The following LYG1 variants were observed in gnomAD, a reference collection of about 807,000 sequenced individuals.
The protein encoded by LYG1 is lysozyme g1.
A neutral mutation model predicts 21.7 loss-of-function variants in LYG1; 17 were observed. The observed-to-expected ratio is 0.78, with a 90% confidence interval of 0.54 to 1.18. LYG1 has a LOEUF of 1.18. LYG1 is among the 50% of genes most tolerant of loss of function. The pLI is 0.00. For synonymous variants in LYG1, 81 were observed against 87.4 expected (o/e 0.93, Z 0.41); for missense variants, 211 against 238.1 (o/e 0.89, Z 0.75).
At chr2:99,299,216 C>T (rs570935243) in intron 1 of LYG1, among the ~76,000 whole-genome samples, 7 of 151,728 alleles carry the variant, frequency 4.6e-5, no homozygotes, top group Non-Finnish European at 8.8e-5. Context: ...CATGAGCCAC[C>T]GCGCCCAGCC....
rs530758274 is a variant in LYG1, at chr2:99,291,249, A to T, written c.321T>A (p.Thr107=). 5.6e-6 allele frequency: 9 copies of T among 1,614,170 alleles called. No homozygotes were observed. In the Admixed American group the frequency reaches 1.2e-4, roughly 21 times the overall value. ...GATGAAGAGTTACCTGCACCATGCT[A>T]GTCCTATCGCCCATGTTGACCAGAA... ...DKILVNMGDR[T]SMVQDPGSQA... Residue 107 remains threonine, a synonymous_variant, in exon 5 of 7, where the codon ACT becomes ACA. Transcript: ENST00000308528.
intron 4 of LYG1, among the ~76,000 whole-genome samples, chr2:99,292,270 A>G (rs1458080548): frequency 6.6e-6 from 1 of 152,154 alleles, no homozygotes; most frequent in Non-Finnish European, 1.5e-5. Flanking sequence ...GGGCAACAAG[A>G]CAGAAACTTA....
intron 5 of LYG1, among the ~76,000 whole-genome samples, chr2:99,285,563 T>C (rs1215739941): frequency 1.3e-5 from 2 of 152,196 alleles, no homozygotes; most frequent in African/African-American, 4.8e-5. Context: ...ATGTATGTGC[T>C]AGCATGCACA....
chr2:99,303,065 G>A (rs1329511905), upstream of LYG1, among the ~76,000 whole-genome samples: 1 of 151,670 alleles, frequency 6.6e-6, no homozygotes, highest in African/African-American at 2.4e-5. Flanking sequence ...TGACTGAGAT[G>A]GTGAGACCAC....
At chr2:99,300,368 TGC>T (rs1269357230) in intron 1 of LYG1, among the ~76,000 whole-genome samples, 1 of 152,146 alleles carries the variant, frequency 6.6e-6, no homozygotes, top group Non-Finnish European at 1.5e-5. Context: ...TTTTCCCATT[TGC>T]GTTTTTGAGA....
At position 99,300,191 on chromosome 2, in the gene LYG1, G is replaced by C. The variant is rs146670752; in HGVS notation, c.-124+859C>G. 3.9e-5 allele frequency among the ~76,000 whole-genome samples: 6 copies of C among 152,186 alleles called. No individual in the cohort carries two copies. The East Asian group carries it at 1.2e-3, about 29-fold the overall frequency. ...GTAGAGCTGCACCTTCACATGGCCT[G>C]TGAAAATACCTATTCACTGAATTTG... On this transcript the variant is annotated intron_variant, in intron 1 of 6. Coordinates refer to ENST00000308528, the MANE Select transcript of LYG1 (RefSeq NM_174898.3).
intron 3 of LYG1, among the ~76,000 whole-genome samples, chr2:99,294,923 G>A (rs2094132154): frequency 6.6e-6 from 1 of 152,130 alleles, no homozygotes; most frequent in Non-Finnish European, 1.5e-5. Flanking sequence ...CCAACATGGT[G>A]AAACCCTGTC....
chr2:99,304,022 A>G (rs1324086997), upstream of LYG1, among the ~76,000 whole-genome samples: 1 of 152,182 alleles, frequency 6.6e-6, no homozygotes, highest in African/African-American at 2.4e-5. Context: ...ATACAAAAAA[A>G]TTAGCCAGGC....
intron 5 of LYG1, among the ~76,000 whole-genome samples, chr2:99,288,499 T>C (rs141761887): frequency 6.6e-6 from 1 of 152,244 alleles, no homozygotes; most frequent in African/African-American, 2.4e-5. Context: ...GTTGCTACTA[T>C]CATCTTAATT....
In LYG1 at chr2:99,286,612, G is replaced by C. The variant is rs146344808; in HGVS notation, c.334-1792C>G. ...CCAGCTACTCGGGAGGCTGGGACAG[G>C]AGAATTGCTTGAACCCAGGAGGTGG... On this transcript the variant is annotated intron_variant, in intron 5 of 6. Coordinates refer to ENST00000308528, the MANE Select transcript of LYG1 (RefSeq NM_174898.3). Among the ~76,000 whole-genome samples the C allele has an allele frequency of 8.3e-3, 1,271 of 152,314 alleles. 18 individuals carry two copies. The highest frequency in any genetic ancestry group is 0.029 in the African/African-American group (1,189 of 41,564).
intron 4 of LYG1, among the ~76,000 whole-genome samples, chr2:99,291,837 C>G (rs2094119411): frequency 2.0e-5 from 3 of 152,224 alleles, no homozygotes; most frequent in Admixed American, 2.0e-4. Flanking sequence ...TGTTCCTCAA[C>G]AAGTTTGTTC....
At chr2:99,303,127 TG>T (rs527722638), upstream of LYG1, among the ~76,000 whole-genome samples, 54 of 152,096 alleles carry the variant, frequency 3.6e-4, 1 homozygote, top group African/African-American at 1.3e-3. Flanking sequence ...AGGGAGTTCC[TG>T]AACTTTAACT....
chr2:99,291,891 T>C (rs993309142), intron 4 of LYG1, among the ~76,000 whole-genome samples: 8 of 152,186 alleles, frequency 5.3e-5, no homozygotes, highest in Admixed American at 1.3e-4. Flanking sequence ...CAACAAATCA[T>C]GCAAGTTTAA....
chr2:99,303,028 AAAG>A (rs1158911876), upstream of LYG1, among the ~76,000 whole-genome samples: 3 of 151,698 alleles, frequency 2.0e-5, no homozygotes, highest in Non-Finnish European at 2.9e-5. Flanking sequence ...AAAAAAAAAA[AAAG>A]AAGATTTTGT....
chr2:99,284,541 C>T, intron 6 of LYG1, 30 bp from the exon 7 acceptor site: 1 of 1,606,004 alleles, frequency 6.2e-7, no homozygotes, highest in Non-Finnish European at 8.5e-7. Flanking sequence ...TTAATGCTGA[C>T]CTAGGGTACT....
upstream of LYG1, among the ~76,000 whole-genome samples, chr2:99,303,124 T>C (rs1181264585): frequency 6.6e-6 from 1 of 151,862 alleles, no homozygotes; most frequent in Non-Finnish European, 1.5e-5. Context: ...CCCAGGGAGT[T>C]CCTGAACTTT....
chr2:99,285,335 T>C (rs1397217506), intron 5 of LYG1, among the ~76,000 whole-genome samples: 1 of 151,712 alleles, frequency 6.6e-6, no homozygotes, highest in East Asian at 1.9e-4. Flanking sequence ...GAGCCATGAT[T>C]GCACCACTGC....
chr2:99,301,008 A>G (rs2094152172), intron 1 of LYG1, 42 bp downstream of exon 1: 1 of 127,274 alleles, frequency 7.9e-6, no homozygotes, highest in Admixed American at 8.8e-5. Flanking sequence ...TTCATCCTCA[A>G]TAAGCCCGAG....
chr2:99,290,050 G>T (rs901974452), intron 5 of LYG1, among the ~76,000 whole-genome samples: 6 of 152,052 alleles, frequency 3.9e-5, no homozygotes, highest in Non-Finnish European at 8.8e-5. Flanking sequence ...TAGAGATGGG[G>T]TTTCACCATG....
Sources: gnomAD v4.1 joint callset for allele counts (sites outside exome capture counted in the v4.1 genomes callset) on GRCh38, gnomAD v4.1.1 for gene constraint, MANE v1.5 for transcripts, NCBI Gene and HGNC (gene_info 2026-07-23, HGNC 2026-07-21) for gene names.